Variants in ASTN2 observed in about 807,000 individuals in gnomAD.
ASTN2 encodes astrotactin-2.
In ASTN2, 54 loss-of-function variants were observed where a neutral mutation model predicts 139.8. That is an observed-to-expected ratio of 0.39 (90% CI 0.31 to 0.48). The LOEUF (loss-of-function observed/expected upper bound fraction) is 0.48, where lower values mean the gene tolerates loss of function less well. ASTN2 is among the 20% of genes least tolerant of loss of function. The pLI is 0.95. For missense variants in ASTN2, 1,565 were observed against 1,725.1 expected (o/e 0.91, Z 1.64); for synonymous variants, 756 against 719.5 (o/e 1.05, Z -0.81).
chr9:117,172,764 T>G (rs949306758), intron 3 of ASTN2, among the ~76,000 whole-genome samples: 5 of 152,178 alleles, frequency 3.3e-5, no homozygotes, highest in African/African-American at 1.2e-4. Context: ...AATTCATTCA[T>G]CAAGGGCATA....
At chr9:116,513,482 G>C (rs980793125) in intron 19 of ASTN2, among the ~76,000 whole-genome samples, 2 of 151,114 alleles carry the variant, frequency 1.3e-5, no homozygotes, top group Admixed American at 1.3e-4. Flanking sequence ...ATGTGTCTTG[G>C]AGTTGCTCTT....
chr9:117,204,759 C>A (rs978816512), intron 3 of ASTN2, among the ~76,000 whole-genome samples: 6 of 152,040 alleles, frequency 3.9e-5, no homozygotes, highest in Non-Finnish European at 8.8e-5. Context: ...TAAAAAAAAC[C>A]AAACAAACAA....
At chr9:117,251,784 C>T (rs1014127829) in intron 2 of ASTN2, among the ~76,000 whole-genome samples, 2 of 152,162 alleles carry the variant, frequency 1.3e-5, no homozygotes, top group African/African-American at 4.8e-5. Flanking sequence ...GGCATCAGTA[C>T]TAATTCTTGC....
chr9:116,657,774 G>A (rs1250719841), intron 16 of ASTN2, among the ~76,000 whole-genome samples: 1 of 152,180 alleles, frequency 6.6e-6, no homozygotes, highest in African/African-American at 2.4e-5. Flanking sequence ...CTGGGAGGTG[G>A]AGGTTGCAGT....
chr9:116,509,913 G>A (rs1850293192), intron 19 of ASTN2, among the ~76,000 whole-genome samples: 1 of 152,092 alleles, frequency 6.6e-6, no homozygotes, highest in Non-Finnish European at 1.5e-5. Flanking sequence ...TTAGTCCTTT[G>A]TCAGACAGGT....
At chr9:116,803,169 C>G (rs1331674838) in intron 13 of ASTN2, among the ~76,000 whole-genome samples, 1 of 151,974 alleles carries the variant, frequency 6.6e-6, no homozygotes. Context: ...TTCCAAGCAA[C>G]ATTATTCTAT....
intron 1 of ASTN2, among the ~76,000 whole-genome samples, chr9:117,310,773 C>T (rs748849955): frequency 5.3e-5 from 8 of 152,178 alleles, no homozygotes; most frequent in South Asian, 2.1e-4. Flanking sequence ...TACAAGCACG[C>T]GCCACCACAC....
At chr9:117,383,396 G>A (rs1830319287) in intron 1 of ASTN2, among the ~76,000 whole-genome samples, 1 of 152,142 alleles carries the variant, frequency 6.6e-6, no homozygotes, top group South Asian at 2.1e-4. Context: ...AACTTGCTGG[G>A]GTGATAGAAA....
intron 20 of ASTN2, among the ~76,000 whole-genome samples, chr9:116,447,371 G>T (rs562053005): frequency 2.6e-5 from 4 of 152,178 alleles, no homozygotes; most frequent in Admixed American, 1.3e-4. Flanking sequence ...ATGAGTATGT[G>T]ATTGTCTTCA....
chr9:116,954,493 A>G (rs2210142), intron 10 of ASTN2, among the ~76,000 whole-genome samples: 145,394 of 152,262 alleles, frequency 0.95, 69,633 homozygotes, highest in Non-Finnish European at 0.99. Context: ...TTAAAGCTTG[A>G]CAAACTTTTT....
chr9:116,665,967 C>T (rs1858838011), intron 16 of ASTN2, among the ~76,000 whole-genome samples: 1 of 152,086 alleles, frequency 6.6e-6, no homozygotes, highest in Admixed American at 6.6e-5. Flanking sequence ...AAGTATCAGC[C>T]ATGCTTTGAA....
intron 13 of ASTN2, among the ~76,000 whole-genome samples, chr9:116,757,448 G>C (rs1829563163): frequency 1.3e-5 from 2 of 152,122 alleles, no homozygotes; most frequent in Non-Finnish European, 2.9e-5. Context: ...TGAGATATGT[G>C]GGTGGTTGAG....
At chr9:116,742,989 A>G (rs1229827220) in intron 13 of ASTN2, among the ~76,000 whole-genome samples, 1 of 152,130 alleles carries the variant, frequency 6.6e-6, no homozygotes, top group African/African-American at 2.4e-5. Flanking sequence ...AATGGATGCC[A>G]GTGCCAGCGC....
intron 2 of ASTN2, among the ~76,000 whole-genome samples, chr9:117,248,917 G>C (rs1027041564): frequency 6.6e-6 from 1 of 152,202 alleles, no homozygotes; most frequent in Non-Finnish European, 1.5e-5. Context: ...CACTGCTGAT[G>C]ATGAGGTTCG....
At chr9:117,125,255 C>T (rs906575163) in intron 4 of ASTN2, among the ~76,000 whole-genome samples, 2 of 152,186 alleles carry the variant, frequency 1.3e-5, no homozygotes, top group Non-Finnish European at 2.9e-5. Context: ...TACTTTTGAA[C>T]TCTGGGTGGC....
chr9:116,792,174 A>T (rs1014492414), intron 13 of ASTN2, among the ~76,000 whole-genome samples: 1 of 152,156 alleles, frequency 6.6e-6, no homozygotes, highest in Non-Finnish European at 1.5e-5. Context: ...CCCATTAAAA[A>T]AATAATAATA....
At chr9:117,252,111 C>T (rs142511370) in intron 2 of ASTN2, among the ~76,000 whole-genome samples, 2 of 152,064 alleles carry the variant, frequency 1.3e-5, no homozygotes, top group Non-Finnish European at 2.9e-5. Flanking sequence ...TTTTGCATTG[C>T]CTAATAATGA....
At chr9:116,442,263 A>G (rs1847861755) in intron 21 of ASTN2, among the ~76,000 whole-genome samples, 190 bp downstream of exon 21, 1 of 152,170 alleles carries the variant, frequency 6.6e-6, no homozygotes, top group Non-Finnish European at 1.5e-5. Context: ...AGTCAATCTT[A>G]ATTTTTCCCT....
intron 2 of ASTN2, among the ~76,000 whole-genome samples, chr9:117,223,986 A>T (rs1358491604): frequency 6.6e-6 from 1 of 152,202 alleles, no homozygotes; most frequent in East Asian, 1.9e-4. Context: ...TTTGGAATGC[A>T]TTCACCTTCC....
Sources: gnomAD v4.1 joint callset for allele counts (sites outside exome capture counted in the v4.1 genomes callset) on GRCh38, gnomAD v4.1.1 for gene constraint, MANE v1.5 for transcripts, NCBI Gene and HGNC (gene_info 2026-07-23, HGNC 2026-07-21) for gene names.